SMC1A: variants seen among roughly 807,000 people sequenced by gnomAD.
The protein encoded by SMC1A is structural maintenance of chromosomes protein 1A.
SMC1A carries 4 observed loss-of-function variants against 94.5 expected under a neutral mutation model. The observed-to-expected ratio is 0.04, with a 90% CI of 0.02 to 0.10. The LOEUF (loss-of-function observed/expected upper bound fraction) is 0.10, where lower values mean the gene tolerates loss of function less well. Among genes scored for constraint, SMC1A ranks in the 10% least tolerant of loss-of-function variants. SMC1A has a pLI of 1.00. For missense variants in SMC1A, 304 were observed against 989.0 expected (o/e 0.31, Z 9.29); for synonymous variants, 345 against 347.7 (o/e 0.99, Z 0.09).
At chrX:53,413,478 AC>A in intron 3 of SMC1A, 43 bp from the exon 4 acceptor site, 1 of 1,115,560 alleles carries the variant, frequency 9.0e-7, no homozygotes, top group Non-Finnish European at 1.2e-6. Context: ...ACCCCAGCCA[AC>A]CCAGTTCACC....
At chrX:53,388,785 C>G (rs1235644189) in intron 19 of SMC1A, among the ~76,000 whole-genome samples, 1 of 108,826 alleles carries the variant, frequency 9.2e-6, no homozygotes, top group Non-Finnish European at 1.9e-5. Flanking sequence ...ATCACAAGGT[C>G]AGGATATCGA....
chrX:53,380,528 C>T (rs1602397764), intron 24 of SMC1A, 92 bp downstream of exon 24: 1 of 612,228 alleles, frequency 1.6e-6, no homozygotes, highest in East Asian at 3.5e-5. Context: ...CTATGCTCCC[C>T]CACCTCCTTT....
intron 19 of SMC1A, among the ~76,000 whole-genome samples, chrX:53,388,813 C>G (rs960459100): frequency 4.7e-5 from 5 of 107,504 alleles, no homozygotes; most frequent in Non-Finnish European, 9.6e-5. Flanking sequence ...CTGGCTAACA[C>G]GGTGAAACCC....
intron 15 of SMC1A, 43 bp from the exon 16 acceptor site, chrX:53,399,773 G>C: frequency 8.6e-7 from 1 of 1,164,068 alleles, no homozygotes; most frequent in African/African-American, 1.8e-5. Context: ...AATCTCATCA[G>C]CCAGAGATAA....
chrX:53,380,523 C>T, intron 24 of SMC1A, 97 bp downstream of exon 24: 1 of 590,540 alleles, frequency 1.7e-6, no homozygotes, highest in South Asian at 2.4e-5. Context: ...ATTCCCTATG[C>T]TCCCCCACCT....
rs1210544525 is a variant in SMC1A, at chrX:53,422,632, G to A, written c.-32C>T. 2.0e-6 allele frequency: 2 copies of A among 988,972 alleles called. No individual in the cohort carries two copies. Among genetic ancestry groups the A allele is most frequent in the South Asian group, 1.9e-5 (1 of 52,327 alleles). The allele number at this position is 988,972 out of a possible 1,213,427, so 81.5% of individuals were successfully genotyped here. ...CGCGGCGCCGGCGGCAGTAGGACAG[G>A]CCGCGCCGTACGCCCGAGAACTGAG... On this transcript the variant is annotated 5_prime_UTR_variant, in exon 1 of 25. Coordinates refer to ENST00000322213, the MANE Select transcript of SMC1A (RefSeq NM_006306.4).
Position 53,394,770 on chromosome X carries a change from A to T in SMC1A, c.2973+8T>A. ...CACCCCCACCACACCCCTGTGGTTGATCCTCACCTTCAGATCCTCACACAG... is the reference window on the plus strand; with the variant it reads ...CACCCCCACCACACCCCTGTGGTTGTTCCTCACCTTCAGATCCTCACACAG... On this transcript the variant is annotated splice_region_variant and intron_variant, in intron 19 of 24. Transcript: ENST00000322213. The T allele has an allele frequency of 7.0e-6, 3 of 428,410 alleles. No individual in the cohort carries two copies. The highest frequency in any genetic ancestry group is 1.2e-5 in the Non-Finnish European group (3 of 255,820). 35.3% of individuals were successfully genotyped at this position (428,410 alleles called of 1,213,427 possible). A position where few individuals can be genotyped will look rare whatever the true frequency, so the allele number is the denominator to read the frequency against.
At chrX:53,382,119 C>A in intron 22 of SMC1A, 113 bp downstream of exon 22, 1 of 933,668 alleles carries the variant, frequency 1.1e-6, no homozygotes, top group Non-Finnish European at 1.5e-6. Flanking sequence ...GGGATGCAAT[C>A]CAGATTCCAC....
chrX:53,388,673 G>A (rs2075614537), intron 19 of SMC1A, among the ~76,000 whole-genome samples: 1 of 109,571 alleles, frequency 9.1e-6, no homozygotes, highest in Admixed American at 1.0e-4. Context: ...TTTCACCTTT[G>A]CCTTTTTATT....
chrX:53,397,713 A>G (rs1262351428), intron 16 of SMC1A, among the ~76,000 whole-genome samples: 3 of 112,336 alleles, frequency 2.7e-5, no homozygotes, highest in African/African-American at 9.7e-5. Flanking sequence ...TGACCGATGA[A>G]TCTTGGTGAT....
chrX:53,406,806 T>C (rs983632514), intron 9 of SMC1A, among the ~76,000 whole-genome samples: 29 of 111,663 alleles, frequency 2.6e-4, no homozygotes, highest in South Asian at 1.5e-3. Context: ...CAAGTGATTC[T>C]CCTGCCTTAG....
At chrX:53,410,181 G>A (rs2075705666) in intron 7 of SMC1A, among the ~76,000 whole-genome samples, 1 of 111,271 alleles carries the variant, frequency 9.0e-6, no homozygotes, top group Non-Finnish European at 1.9e-5. Context: ...AATGCCCAGG[G>A]TCTGGTTCTG....
intron 15 of SMC1A, among the ~76,000 whole-genome samples, chrX:53,403,327 C>T (rs781894604): frequency 1.8e-5 from 2 of 110,289 alleles, no homozygotes; most frequent in Non-Finnish European, 3.8e-5. Flanking sequence ...CCAAAGATAA[C>T]GAGTTGTGGA....
intron 18 of SMC1A, 37 bp downstream of exon 18, chrX:53,396,190 T>C (rs782759308): frequency 2.5e-6 from 3 of 1,198,814 alleles, no homozygotes; most frequent in Non-Finnish European, 3.4e-6. Context: ...GTTAATGATG[T>C]TCATCGCCCA....
chrX:53,380,848 G>A (rs2075579578), intron 23 of SMC1A, 118 bp from the exon 24 acceptor site: 2 of 631,988 alleles, frequency 3.2e-6, no homozygotes, highest in South Asian at 4.6e-5. Context: ...GGGGAAAAGA[G>A]AGGTTGAGAG....
intron 19 of SMC1A, 102 bp downstream of exon 19, chrX:53,394,676 C>G: frequency 1.8e-6 from 1 of 550,354 alleles, no homozygotes; most frequent in Non-Finnish European, 3.1e-6. Flanking sequence ...ATGGTCTTCA[C>G]AGAGCCCCCA....
At chrX:53,403,751 G>A (rs1556889252) in intron 14 of SMC1A, 26 bp downstream of exon 14, 7 of 1,169,027 alleles carry the variant, frequency 6.0e-6, no homozygotes, top group Non-Finnish European at 5.8e-6. Context: ...TGACACACAC[G>A]CTGGCATGGC....
In SMC1A at chrX:53,377,313, T is replaced by TA. The variant is rs2075563533; in HGVS notation, c.*2789dup. On this transcript the variant is annotated 3_prime_UTR_variant, in exon 25 of 25. Coordinates refer to ENST00000322213, the MANE Select transcript of SMC1A (RefSeq NM_006306.4). ...GGGCCTTAGCCTAAGGCATCTCATGTAATCCTTTTTATCCTGTGAGGTAGG... is the reference window on the plus strand; with the variant it reads ...GGGCCTTAGCCTAAGGCATCTCATGTAAATCCTTTTTATCCTGTGAGGTAGG... 8.9e-6 allele frequency: 1 copy of TA among 111,946 alleles called. No homozygotes were observed. The highest frequency in any genetic ancestry group is 3.3e-5 in the African/African-American group (1 of 30,719). The allele number at this position is 111,946 out of a possible 1,213,427, so 9.2% of individuals were successfully genotyped here.
chrX:53,382,007 A>G, intron 22 of SMC1A: 2 of 448,341 alleles, frequency 4.5e-6, no homozygotes, highest in Non-Finnish European at 7.8e-6. Flanking sequence ...GGAACTAAAT[A>G]CATGCAGAGG....
Sources: gnomAD v4.1 joint callset for allele counts (sites outside exome capture counted in the v4.1 genomes callset) on GRCh38, gnomAD v4.1.1 for gene constraint, MANE v1.5 for transcripts, NCBI Gene and HGNC (gene_info 2026-07-23, HGNC 2026-07-21) for gene names.